Variants in BARD1 observed in about 807,000 individuals in gnomAD.
BARD1 encodes the protein BRCA1-associated RING domain protein 1.
BARD1 carries 73 observed loss-of-function variants against 77.0 expected under a neutral mutation model. The ratio of observed to expected loss-of-function variants is 0.95; its 90% CI spans 0.79 to 1.15. The LOEUF is 1.15. BARD1 is among the 50% of genes most tolerant of loss of function. The pLI is 0.00. For synonymous variants in BARD1, 384 were observed against 338.0 expected, an observed-to-expected ratio of 1.14 and a Z score of -1.49; for missense variants, 993 against 938.8, an observed-to-expected ratio of 1.06 and a Z score of -0.75.
intron 1 of BARD1, among the ~76,000 whole-genome samples, chr2:214,798,061 G>C (rs1285497363): frequency 2.0e-5 from 3 of 151,914 alleles, no homozygotes; most frequent in Non-Finnish European, 4.4e-5. Flanking sequence ...AAAACCTTTA[G>C]ATATTTACAC....
At chr2:214,735,904 A>G (rs181944272) in intron 9 of BARD1, among the ~76,000 whole-genome samples, 154 of 152,058 alleles carry the variant, frequency 1.0e-3, no homozygotes, top group Non-Finnish European at 6.2e-4. Context: ...CAACACTCAC[A>G]CTCAGGACGT....
At chr2:214,749,183 GA>G (rs5838469) in intron 7 of BARD1, among the ~76,000 whole-genome samples, 67,674 of 140,148 alleles carry the variant, frequency 0.48, 15,731 homozygotes, top group East Asian at 0.57. Context: ...CTAGTTCCTG[GA>G]AAAAAAAAAA....
chr2:214,791,657 T>C (rs1410114505), intron 3 of BARD1, among the ~76,000 whole-genome samples: 3 of 152,196 alleles, frequency 2.0e-5, no homozygotes, highest in African/African-American at 7.2e-5. Context: ...AGAAAATGAA[T>C]ATTAGATTTC....
At chr2:214,738,266 T>C (rs751544673) in intron 9 of BARD1, among the ~76,000 whole-genome samples, 6 of 152,218 alleles carry the variant, frequency 3.9e-5, no homozygotes, top group Non-Finnish European at 8.8e-5. Context: ...CCTGATCATG[T>C]TCTCCATTTC....
At chr2:214,803,262 T>G (rs1469596004) in intron 1 of BARD1, among the ~76,000 whole-genome samples, 1 of 151,806 alleles carries the variant, frequency 6.6e-6, no homozygotes, top group East Asian at 1.9e-4. Context: ...TATGGCCTTG[T>G]GGGAAGGGAA....
intron 4 of BARD1, among the ~76,000 whole-genome samples, chr2:214,775,136 ATTAC>A (rs1326195171): frequency 6.6e-6 from 1 of 152,180 alleles, no homozygotes; most frequent in African/African-American, 2.4e-5. Flanking sequence ...GCTCTTTTAA[ATTAC>A]TTAAAGAATT....
At chr2:214,789,566 A>T (rs1172908648) in intron 3 of BARD1, among the ~76,000 whole-genome samples, 3 of 152,032 alleles carry the variant, frequency 2.0e-5, no homozygotes, top group Admixed American at 6.6e-5. Context: ...ATAAATAAAT[A>T]ATTTTAATTA....
intron 9 of BARD1, chr2:214,731,226 G>C (rs1315858192): frequency 5.3e-6 from 1 of 189,022 alleles, no homozygotes; most frequent in Non-Finnish European, 1.1e-5. Context: ...GCTCAGCCTG[G>C]CACTGTTTAG....
intron 1 of BARD1, among the ~76,000 whole-genome samples, chr2:214,806,548 C>G (rs1696280091): frequency 6.6e-6 from 1 of 152,058 alleles, no homozygotes; most frequent in Non-Finnish European, 1.5e-5. Flanking sequence ...GAGACACCTA[C>G]AGAGGAAAGC....
intron 4 of BARD1, among the ~76,000 whole-genome samples, chr2:214,780,107 C>T (rs1694911117): frequency 6.6e-6 from 1 of 152,140 alleles, no homozygotes; most frequent in Non-Finnish European, 1.5e-5. Flanking sequence ...AGTCAAATGT[C>T]CCGGTCATTG....
At chr2:214,751,145 ATATATATTTTTTTTT>A (rs1693423910) in intron 7 of BARD1, among the ~76,000 whole-genome samples, 4 of 21,364 alleles carry the variant, frequency 1.9e-4, no homozygotes, top group African/African-American at 5.2e-4. Flanking sequence ...ATATATATAT[ATATATATTTTTTTTT>A]TTTTTTTTTT....
At chr2:214,775,616 G>C (rs1215500259) in intron 4 of BARD1, among the ~76,000 whole-genome samples, 1 of 152,166 alleles carries the variant, frequency 6.6e-6, no homozygotes, top group African/African-American at 2.4e-5. Context: ...AGCACTGACA[G>C]ACTTGCTCAA....
intron 10 of BARD1, chr2:214,730,099 A>T (rs1692283923): frequency 2.5e-6 from 1 of 401,458 alleles, no homozygotes; most frequent in Admixed American, 3.8e-5. Context: ...ATAGAGACAT[A>T]TGGTAACTAA....
intron 2 of BARD1, among the ~76,000 whole-genome samples, chr2:214,794,208 G>A (rs929299435): frequency 3.9e-5 from 6 of 152,128 alleles, no homozygotes; most frequent in South Asian, 2.1e-4. Flanking sequence ...CCATGATCGC[G>A]CCACTGCACT....
intron 7 of BARD1, among the ~76,000 whole-genome samples, chr2:214,750,820 T>C (rs1441741279): frequency 1.3e-5 from 2 of 152,034 alleles, no homozygotes; most frequent in African/African-American, 4.8e-5. Context: ...AGGAAACTTC[T>C]TAGTGAGGAC....
chr2:214,749,896 C>T (rs1693322642), intron 7 of BARD1, among the ~76,000 whole-genome samples: 1 of 151,778 alleles, frequency 6.6e-6, no homozygotes. Flanking sequence ...GCTTCTCTTC[C>T]AATTCATTAC....
At position 214,780,634 on chromosome 2, in the gene BARD1, T is replaced by A. The variant is rs759601398; in HGVS notation, c.1240A>T (p.Met414Leu). ...ACAGCCATATTGGGCAACAGCTTCA[T>A]TGCTGAGGGACTAGACATCACTCGC... ...YRRVMSSPSAMKLLPNMAVKR... is the reference protein window; with the variant it reads ...YRRVMSSPSALKLLPNMAVKR... The change falls in exon 4 of 11, where the codon ATG becomes TTG. Residue 414 changes from methionine to leucine, a missense_variant. By Grantham distance (15) the Met-to-Leu change is conservative (BLOSUM62 2). Coordinates refer to ENST00000260947, the MANE Select transcript of BARD1 (RefSeq NM_000465.4). The A allele has an allele frequency of 1.8e-5, 29 of 1,614,112 alleles. No individual in the cohort carries two copies. In the African/African-American group the frequency reaches 3.5e-4, roughly 19 times the overall value.
intron 3 of BARD1, among the ~76,000 whole-genome samples, chr2:214,783,513 G>A (rs1297795439): frequency 1.3e-5 from 2 of 152,044 alleles, no homozygotes; most frequent in Admixed American, 1.3e-4. Flanking sequence ...GTTAAACAAT[G>A]GGAAGACATG....
intron 3 of BARD1, among the ~76,000 whole-genome samples, chr2:214,783,817 T>G (rs1353165978): frequency 6.6e-6 from 1 of 152,156 alleles, no homozygotes; most frequent in Non-Finnish European, 1.5e-5. Context: ...GCTAGCCATA[T>G]GCAGAAAACT....
Sources: allele counts gnomAD v4.1 joint callset (sites outside exome capture counted in the v4.1 genomes callset), GRCh38; gene constraint gnomAD v4.1.1; transcripts MANE v1.5; gene names NCBI Gene and HGNC (gene_info 2026-07-23, HGNC 2026-07-21).